Variants in SPATA2 observed in about 807,000 individuals in gnomAD.
SPATA2 encodes spermatogenesis associated 2.
In SPATA2, 8 loss-of-function variants were observed where a neutral mutation model predicts 35.4. That is an observed-to-expected ratio of 0.23 (90% CI 0.13 to 0.41). SPATA2 has a LOEUF of 0.41. SPATA2 is among the 10% of genes least tolerant of loss of function. The pLI is 1.00. For missense variants in SPATA2, 650 were observed against 698.7 expected (o/e 0.93, Z 0.79); for synonymous variants, 293 against 300.9 (o/e 0.97, Z 0.27).
At chr20:49,914,603 C>T (rs1174935087) in intron 1 of SPATA2, among the ~76,000 whole-genome samples, 1 of 152,182 alleles carries the variant, frequency 6.6e-6, no homozygotes, top group African/African-American at 2.4e-5. Context: ...CACACTCCTA[C>T]TAGATTCCAA....
chr20:49,905,242 G>C lies in SPATA2; in HGVS notation c.*377C>G. ...GAAGGGCCCTTCCCAGTCCAAGTTG[G>C]CTTTGCAATGGGAGGGGTAGGTGCA... On this transcript the variant is annotated 3_prime_UTR_variant, in exon 3 of 3. Transcript: ENST00000289431. 1 of 198,384 alleles carries C rather than the reference G, an allele frequency of 5.0e-6. No homozygotes were observed. The highest frequency in any genetic ancestry group is 1.0e-5 in the Non-Finnish European group (1 of 95,520). 12.3% of individuals were successfully genotyped at this position (198,384 alleles called of 1,614,324 possible).
At position 49,906,234 on chromosome 20, in the gene SPATA2, G is replaced by T. The variant is rs878971790; in HGVS notation, c.948C>A (p.Ser316=). 1 of 1,568,034 alleles carries T rather than the reference G, an allele frequency of 6.4e-7. No homozygotes were observed. Among genetic ancestry groups the T allele is most frequent in the South Asian group, 1.2e-5 (1 of 82,570 alleles). Residue 316 remains serine, a synonymous_variant, in exon 3 of 3, where the codon TCC becomes TCA. Transcript: ENST00000289431. The surrounding 1 kb of genome is among the most constrained non-coding windows in gnomAD (Gnocchi z 8.2). ...GCAGCAGGGCCGGGCCGTTGCTGGG[G>T]GAGGCGGGTGGAAGCACATCCGGGC... ...HGSPDVLPPA[S]PSNGPALLRG... is the part of the protein sequence containing the mutation.
chr20:49,914,625 C>G (rs527582201), intron 1 of SPATA2, among the ~76,000 whole-genome samples: 1 of 152,278 alleles, frequency 6.6e-6, no homozygotes, highest in South Asian at 2.1e-4. Context: ...GAAATTCACA[C>G]AGAGTCCTTC....
intron 1 of SPATA2, among the ~76,000 whole-genome samples, chr20:49,914,671 A>C (rs549947073): frequency 6.6e-6 from 1 of 152,210 alleles, no homozygotes; most frequent in Non-Finnish European, 1.5e-5. Context: ...GTGCTGAAAG[A>C]AGCTTCCCTA....
rs576182546 is a variant in SPATA2 at position 49,905,789 on chromosome 20, G to C, written c.1393C>G (p.Arg465Gly). ...TPTSRCGFCN[R>G]PGATNTCTQC... Reference sequence around the variant, plus strand: ...GTGCAGGTGTTGGTGGCGCCTGGGCGGTTGCAGAAGCCACAGCGGGAAGTG... The same window carrying C: ...GTGCAGGTGTTGGTGGCGCCTGGGCCGTTGCAGAAGCCACAGCGGGAAGTG... Residue 465 changes from arginine (R) to glycine (G), a missense_variant, in exon 3 of 3, where the codon CGC (arginine) becomes GGC (glycine). Physicochemically the swap from Arg to Gly is moderately radical, Grantham distance 125. Coordinates refer to ENST00000289431, the MANE Select transcript of SPATA2 (RefSeq NM_006038.4). 3 of 1,614,182 alleles carry C rather than the reference G, an allele frequency of 1.9e-6. No homozygotes were observed. In the Admixed American group the frequency reaches 5.0e-5, roughly 27 times the overall value.
At chr20:49,913,092 G>C (rs1220183798) in intron 1 of SPATA2, among the ~76,000 whole-genome samples, 30 of 152,148 alleles carry the variant, frequency 2.0e-4, no homozygotes, top group Admixed American at 2.0e-3. Flanking sequence ...CTGGGTGACA[G>C]AGCAAGACCT....
Position 49,904,196 on chromosome 20 carries a change from A to G in SPATA2, c.*1423T>C, listed in dbSNP as rs1235740445. ...GGCTTTATTTTCAAACTCTTGCCCC[A>G]CTCCTGCTCTTGTACCCCCACAAGG... On this transcript the variant is annotated 3_prime_UTR_variant, in exon 3 of 3. Transcript: ENST00000289431. 1.3e-5 allele frequency: 2 copies of G among 151,794 alleles called. No homozygotes were observed. Among genetic ancestry groups the G allele is most frequent in the Non-Finnish European group, 2.9e-5 (2 of 67,880 alleles). 9.4% of individuals were successfully genotyped at this position (151,794 alleles called of 1,614,324 possible).
At chr20:49,914,640 CCT>C (rs1482258204) in intron 1 of SPATA2, among the ~76,000 whole-genome samples, 2 of 152,176 alleles carry the variant, frequency 1.3e-5, no homozygotes, top group African/African-American at 2.4e-5. Context: ...TCCTTCCAAA[CCT>C]CTGAAAATAA....
chr20:49,907,355 G>A (rs946479983), intron 2 of SPATA2, among the ~76,000 whole-genome samples: 1 of 152,164 alleles, frequency 6.6e-6, no homozygotes, highest in Admixed American at 6.5e-5. Flanking sequence ...CACCGCGCCT[G>A]GCAGCAGCTA....
At chr20:49,915,294 C>A (rs1163524020) in intron 1 of SPATA2, 86 bp downstream of exon 1, 3 of 152,408 alleles carry the variant, frequency 2.0e-5, no homozygotes, top group Non-Finnish European at 4.4e-5. Flanking sequence ...CGCTCCCGGG[C>A]CAGCCGAGCC....
chr20:49,913,149 A>G (rs991856549), intron 1 of SPATA2, among the ~76,000 whole-genome samples: 1 of 152,138 alleles, frequency 6.6e-6, no homozygotes, highest in African/African-American at 2.4e-5. Context: ...ACTAACAATT[A>G]CTGAGGTTCT....
At chr20:49,907,746 C>T (rs2090156697) in intron 2 of SPATA2, among the ~76,000 whole-genome samples, 2 of 152,220 alleles carry the variant, frequency 1.3e-5, no homozygotes, top group South Asian at 4.2e-4. Flanking sequence ...CCTCAGCTTG[C>T]TGGGACCGCT....
At chr20:49,907,522 C>T (rs1477862268) in intron 2 of SPATA2, among the ~76,000 whole-genome samples, 1 of 152,140 alleles carries the variant, frequency 6.6e-6, no homozygotes, top group Non-Finnish European at 1.5e-5. Context: ...CTGGTATTTC[C>T]ATGAGGGGCT....
intron 1 of SPATA2, among the ~76,000 whole-genome samples, chr20:49,911,040 C>A (rs1378378031): frequency 1.3e-5 from 2 of 152,016 alleles, no homozygotes; most frequent in Non-Finnish European, 2.9e-5. Context: ...CATAGCAATA[C>A]CCTGTCTTTA....
In SPATA2 at chr20:49,904,481, G is replaced by A. The variant is rs2090128298; in HGVS notation, c.*1138C>T. 1 of 152,650 alleles carries A rather than the reference G, an allele frequency of 6.6e-6. No homozygotes were observed. 9.5% of individuals were successfully genotyped at this position (152,650 alleles called of 1,614,324 possible). On this transcript the variant is annotated 3_prime_UTR_variant, in exon 3 of 3. Coordinates refer to ENST00000289431, the MANE Select transcript of SPATA2 (RefSeq NM_006038.4). The stretch of plus-strand genomic sequence containing the variant: ...GAGACTCAAGAAGTGTGAAGTGCAA[G>A]GTTCCTGCTCAGCAAGCTATAGGTC...
intron 2 of SPATA2, among the ~76,000 whole-genome samples, chr20:49,907,373 A>T (rs1181505351): frequency 6.6e-6 from 1 of 152,134 alleles, no homozygotes; most frequent in African/African-American, 2.4e-5. Context: ...CTACTTTGTT[A>T]AACACAGGAA....
chr20:49,906,772 C>T lies in SPATA2; in HGVS notation c.410G>A (p.Cys137Tyr). ...GCCCAGCTCAGGTGTGTAGCCCATG[C>T]AGCTCAGGATGGCTCGGATGTCCTC... ...LEEDIRAILS[C>Y]MGYTPELGTA... The change falls in exon 3 of 3, where the codon TGC (cysteine) becomes TAC (tyrosine). Residue 137 changes from cysteine (C) to tyrosine (Y), a missense_variant. Cys to Tyr is a radical substitution (Grantham distance 194). Coordinates refer to ENST00000289431, the MANE Select transcript of SPATA2 (RefSeq NM_006038.4). The surrounding 1 kb of genome is among the most constrained non-coding windows in gnomAD (Gnocchi z 8.2). The T allele has an allele frequency of 6.2e-7, 1 of 1,614,202 alleles. No individual in the cohort carries two copies. Among genetic ancestry groups the T allele is most frequent in the African/African-American group, 1.3e-5 (1 of 75,064 alleles).
intron 1 of SPATA2, among the ~76,000 whole-genome samples, chr20:49,911,256 C>A (rs1054236925): frequency 2.0e-5 from 3 of 152,158 alleles, no homozygotes. Flanking sequence ...CACCCCTCAC[C>A]CTCCCTGGTA....
Position 49,906,877 on chromosome 20 carries a change from G to A in SPATA2, c.337-32C>T. ...GGGAGGGAGTAGAAAAGAAAGGTGG[G>A]GTTTTCTGTCAGAGACACAAGACAG... On this transcript the variant is annotated intron_variant, in intron 2 of 2. Coordinates refer to ENST00000289431, the MANE Select transcript of SPATA2 (RefSeq NM_006038.4). This position sits in a 1 kb window ranked among gnomAD's most constrained non-coding sequence, Gnocchi z 8.2. 1.3e-6 allele frequency: 2 copies of A among 1,576,498 alleles called. No individual in the cohort carries two copies. Among genetic ancestry groups the A allele is most frequent in the Non-Finnish European group, 1.7e-6 (2 of 1,160,216 alleles).
Sources: gnomAD v4.1 joint callset for allele counts (sites outside exome capture counted in the v4.1 genomes callset) on GRCh38, gnomAD v4.1.1 for gene constraint, Gnocchi (gnomAD v3.1) non-coding constraint, MANE v1.5 for transcripts, NCBI Gene and HGNC (gene_info 2026-07-23, HGNC 2026-07-21) for gene names.